The following CEP192 variants were observed in gnomAD, a reference collection of about 807,000 sequenced individuals.
The protein encoded by CEP192 is centrosomal protein 192.
Under a neutral mutation model 271.8 loss-of-function variants are expected in CEP192, and 151 were observed. The observed-to-expected ratio is 0.56, with a 90% confidence interval of 0.49 to 0.64. The LOEUF is 0.64. Among genes scored for constraint, CEP192 ranks in the 30% least tolerant of loss-of-function variants. The probability of loss-of-function intolerance (pLI) is 0.00; values close to 1 mark genes in which losing one functional copy is unlikely to be tolerated. For synonymous variants in CEP192, 995 were observed against 1,076.5 expected (o/e 0.92, Z 1.48); for missense variants, 2,910 against 3,020.5 (o/e 0.96, Z 0.86).
chr18:13,016,009 G>A (rs1321425723), intron 6 of CEP192, among the ~76,000 whole-genome samples: 4 of 152,168 alleles, frequency 2.6e-5, no homozygotes, highest in Non-Finnish European at 5.9e-5. Flanking sequence ...GCCTCCCAAA[G>A]TGTTGGGATT....
rs143783038 is a variant in CEP192, at chr18:13,015,328, A to C, written c.520A>C (p.Ile174Leu). The C allele has an allele frequency of 2.4e-4, 368 of 1,550,592 alleles. 2 individuals are homozygous for C. The African/African-American group carries it at 4.4e-3, about 18-fold the overall frequency. The part of the protein sequence containing the change: ...QSWMNNKEPK[I>L]VVLDAGKHFE... ...TTACTTGCCATTTTGTTTCTTATAG[A>C]TTGTTGTGCTTGATGCTGGAAAACA... The change falls in exon 6 of 45, where the codon ATT becomes CTT. Residue 174 changes from isoleucine (I) to leucine (L), a missense_variant and splice_region_variant. By Grantham distance (5) the Ile-to-Leu change is conservative (BLOSUM62 2). Coordinates refer to ENST00000506447, the MANE Select transcript of CEP192 (RefSeq NM_032142.4).
At chr18:13,051,403 G>T (rs2036782211) in intron 17 of CEP192, among the ~76,000 whole-genome samples, 1 of 152,094 alleles carries the variant, frequency 6.6e-6, no homozygotes, top group Admixed American at 6.5e-5. Flanking sequence ...GAGTGCATGT[G>T]GATACAGAAA....
Position 13,055,955 on chromosome 18 carries a change from C to A in CEP192, c.3365C>A (p.Ser1122Tyr). Residue 1122 changes from serine (S) to tyrosine (Y), a missense_variant, in exon 19 of 45, where the codon TCT becomes TAT. Ser to Tyr is a moderately radical substitution (Grantham distance 144). Transcript: ENST00000506447. ...ACAAGAAAAGCAACTGAAACTACTT[C>A]TCTGAGTAGCAAGCCTGAATATGTA... The part of the protein sequence containing the change: ...SDTRKATETT[S>Y]LSSKPEYVKP... The A allele has an allele frequency of 6.2e-7, 1 of 1,614,212 alleles. No individual in the cohort carries two copies. The highest frequency in any genetic ancestry group is 8.5e-7 in the Non-Finnish European group (1 of 1,180,032).
At chr18:13,037,911 A>G (rs1426897597) in intron 12 of CEP192, among the ~76,000 whole-genome samples, 3 of 152,114 alleles carry the variant, frequency 2.0e-5, no homozygotes, top group Non-Finnish European at 2.9e-5. Context: ...TTGTTTTTTT[A>G]TGAAGATTCT....
rs777555026 is a variant in CEP192 at position 13,055,810 on chromosome 18, A to G, written c.3220A>G (p.Ile1074Val). 8.8e-6 allele frequency: 14 copies of G among 1,587,162 alleles called. No individual in the cohort carries two copies. Among genetic ancestry groups the G allele is most frequent in the Middle Eastern group, 3.4e-4 (2 of 5,920 alleles). Residue 1074 changes from isoleucine (I) to valine (V), a missense_variant, in exon 19 of 45, where the codon ATT becomes GTT. By Grantham distance (29) the Ile-to-Val change is conservative (BLOSUM62 3). Transcript: ENST00000506447. ...SDITSELSTT[I>V]IQGSPAALEE... ...TATCACCAGCGAGTTGAGTACCACA[A>G]TTATTCAAGGCAGTCCAGCCGCATT... is the stretch of plus-strand genomic sequence containing the variant.
chr18:13,049,718 A>G (rs2036672758), intron 16 of CEP192, 37 bp downstream of exon 16: 20 of 1,603,028 alleles, frequency 1.2e-5, no homozygotes, highest in Non-Finnish European at 1.6e-5. Context: ...TCATAAAATT[A>G]CAAAGTTTAT....
intron 7 of CEP192, among the ~76,000 whole-genome samples, chr18:13,017,845 A>G (rs1385587831): frequency 2.6e-5 from 4 of 152,210 alleles, no homozygotes; most frequent in East Asian, 1.9e-4. Context: ...TTTATCTACA[A>G]TTTAATCAAA....
At chr18:13,001,106 A>G (rs892303954) in intron 2 of CEP192, among the ~76,000 whole-genome samples, 2 of 152,218 alleles carry the variant, frequency 1.3e-5, no homozygotes, top group Admixed American at 6.5e-5. Flanking sequence ...AGGGTCTTGC[A>G]TAATATATAA....
At chr18:13,088,545 T>A (rs2038999555) in intron 32 of CEP192, among the ~76,000 whole-genome samples, 1 of 152,248 alleles carries the variant, frequency 6.6e-6, no homozygotes, top group Non-Finnish European at 1.5e-5. Flanking sequence ...GATTTAAAGA[T>A]ATGAATTCTC....
chr18:13,023,567 G>C (rs1035359874), intron 9 of CEP192, among the ~76,000 whole-genome samples: 10 of 151,228 alleles, frequency 6.6e-5, no homozygotes, highest in Non-Finnish European at 1.5e-4. Flanking sequence ...AACCAGGCTT[G>C]CATACCTGGG....
chr18:13,018,941 C>T, intron 8 of CEP192, 141 bp from the exon 9 acceptor site: 1 of 728,032 alleles, frequency 1.4e-6, no homozygotes, highest in Non-Finnish European at 2.1e-6. Flanking sequence ...CTTATTTTCT[C>T]TCTACGAAAA....
rs766728012 is a variant in CEP192, at chr18:13,103,546, C to T, written c.6909C>T (p.Asp2303=). 2.0e-5 allele frequency: 33 copies of T among 1,613,800 alleles called. No homozygotes were observed. The highest frequency in any genetic ancestry group is 6.7e-5 in the Admixed American group (4 of 59,996). ...CLELENHGTT[D]VKWHLSSLAP... The stretch of plus-strand genomic sequence containing the variant: ...AACTCGAGAATCATGGCACCACAGA[C>T]GTGAAATGGCATCTGTCATCTTTAG... Residue 2303 remains aspartate, a synonymous_variant, in exon 39 of 45, where the codon GAC becomes GAT. Coordinates refer to ENST00000506447, the MANE Select transcript of CEP192 (RefSeq NM_032142.4).
chr18:13,060,720 C>T (rs540567138), intron 21 of CEP192, among the ~76,000 whole-genome samples: 82 of 151,942 alleles, frequency 5.4e-4, no homozygotes, highest in Admixed American at 9.2e-4. Context: ...CCCAGGAGTT[C>T]GAGACCAGCC....
intron 15 of CEP192, among the ~76,000 whole-genome samples, chr18:13,047,360 T>TACACACAC (rs35070042): frequency 6.6e-6 from 1 of 150,738 alleles, no homozygotes; most frequent in African/African-American, 2.4e-5. Context: ...CCCTCAAACA[T>TACACACAC]ACACACACAC....
intron 11 of CEP192, among the ~76,000 whole-genome samples, chr18:13,034,260 A>C (rs1033327181): frequency 6.6e-6 from 1 of 152,168 alleles, no homozygotes; most frequent in African/African-American, 2.4e-5. Context: ...ATGGAAAGCT[A>C]TTAAAAAGGT....
At chr18:13,060,353 A>G (rs2037343640) in intron 21 of CEP192, among the ~76,000 whole-genome samples, 1 of 152,228 alleles carries the variant, frequency 6.6e-6, no homozygotes, top group Admixed American at 6.5e-5. Flanking sequence ...AAAAAATGGT[A>G]CATTTTATAG....
chr18:13,101,597 A>G (rs2144896151), intron 38 of CEP192, among the ~76,000 whole-genome samples: 1 of 152,188 alleles, frequency 6.6e-6, no homozygotes, highest in South Asian at 2.1e-4. Flanking sequence ...TAGAGAGGAT[A>G]TGGGTGCATC....
chr18:13,000,386 C>T (rs2033566588), intron 2 of CEP192: 1 of 152,160 alleles, frequency 6.6e-6, no homozygotes, highest in South Asian at 2.1e-4. Flanking sequence ...ACTGAACTGT[C>T]TCTTGATATC....
chr18:13,012,077 T>C (rs1599062202), intron 4 of CEP192, among the ~76,000 whole-genome samples: 3 of 152,338 alleles, frequency 2.0e-5, no homozygotes, highest in East Asian at 1.9e-4. Context: ...GTTCTGTTTA[T>C]CCATAGGGAA....
Sources: allele counts gnomAD v4.1 joint callset (sites outside exome capture counted in the v4.1 genomes callset), GRCh38; gene constraint gnomAD v4.1.1; transcripts MANE v1.5; gene names NCBI Gene and HGNC (gene_info 2026-07-23, HGNC 2026-07-21).